The following ABCA12 variants were observed in gnomAD, a reference collection of about 807,000 sequenced individuals.
ABCA12 encodes ATP binding cassette subfamily A member 12.
Under a neutral mutation model 293.5 loss-of-function variants are expected in ABCA12, and 156 were observed. The ratio of observed to expected loss-of-function variants is 0.53; its 90% CI spans 0.47 to 0.61. The LOEUF is 0.61. Ranked by LOEUF, ABCA12 falls within the 20% of genes least tolerant of loss-of-function variation. The pLI is 0.00. For missense variants in ABCA12, 2,797 were observed against 3,090.2 expected (o/e 0.91, Z 2.25); for synonymous variants, 1,063 against 1,108.0 (o/e 0.96, Z 0.81).
intron 39 of ABCA12, among the ~76,000 whole-genome samples, chr2:214,963,819 C>G (rs1184554312): frequency 1.4e-5 from 2 of 146,440 alleles, no homozygotes; most frequent in Admixed American, 7.1e-5. Context: ...ACTTGGGAGG[C>G]TGGGGCAGGA....
intron 22 of ABCA12, chr2:214,999,949 C>A: frequency 2.8e-6 from 1 of 358,198 alleles, no homozygotes; most frequent in Non-Finnish European, 3.9e-6. Context: ...AACTGGGTTG[C>A]GTAGCATGTT....
intron 1 of ABCA12, among the ~76,000 whole-genome samples, chr2:215,124,343 G>T (rs1322861250): frequency 1.3e-5 from 2 of 152,146 alleles, no homozygotes; most frequent in Non-Finnish European, 2.9e-5. Context: ...GGGATTGCTG[G>T]ATCAAATTGT....
intron 7 of ABCA12, chr2:215,044,389 T>A (rs2106046922): frequency 6.6e-6 from 1 of 152,320 alleles, no homozygotes; most frequent in African/African-American, 2.4e-5. Context: ...GGGGTCTGAA[T>A]ATTATTGACT....
rs1218007350 is a variant in ABCA12 at position 214,949,149 on chromosome 2, A to G, written c.6853T>C (p.Cys2285Arg). ...NISIGIPAGE[C>R]FGLLGVNGAG... ...CCATTCACTCCAAGAAGCCCAAAAC[A>G]CTGGTTTGAGGGAGAAAAAGAAGAT... The change falls in exon 46 of 53, where the codon TGT (cysteine) becomes CGT (arginine). Residue 2285 changes from cysteine to arginine, a missense_variant and splice_region_variant. This residue lies in a region of ABCA12 where 2,130 missense variants were observed against 2,427.0 expected (regional missense o/e 0.88). Coordinates refer to ENST00000272895, the MANE Select transcript of ABCA12 (RefSeq NM_173076.3). 6.2e-7 allele frequency: 1 copy of G among 1,612,004 alleles called. No individual in the cohort carries two copies. Among genetic ancestry groups the G allele is most frequent in the Non-Finnish European group, 8.5e-7 (1 of 1,178,264 alleles).
chr2:215,110,239 G>C (rs192104335), intron 2 of ABCA12, among the ~76,000 whole-genome samples: 2 of 152,274 alleles, frequency 1.3e-5, no homozygotes, highest in Non-Finnish European at 2.9e-5. Context: ...GGCTGGGCGC[G>C]GTGGCTCACG....
At position 215,011,600 on chromosome 2, in the gene ABCA12, G is replaced by C. The variant is rs1559144924; in HGVS notation, c.2171C>G (p.Thr724Ser). ...RMNTPQGSFS[T>S]ISQALCSQGI... ...TTGAGAACATAATGCTTGGGAGATG[G>C]TGCTAAATGATCCTTGTGGTGTGTT... The change falls in exon 17 of 53, where the codon ACC (threonine) becomes AGC (serine). Residue 724 changes from threonine to serine, a missense_variant. Thr to Ser is a moderately conservative substitution (Grantham distance 58, BLOSUM62 1). Coordinates refer to ENST00000272895, the MANE Select transcript of ABCA12 (RefSeq NM_173076.3). 3.1e-6 allele frequency: 5 copies of C among 1,613,942 alleles called. No individual in the cohort carries two copies. The highest frequency in any genetic ancestry group is 4.2e-6 in the Non-Finnish European group (5 of 1,179,960).
Position 215,001,751 on chromosome 2 carries a change from G to A in ABCA12, c.2684-14C>T, listed in dbSNP as rs1289885403. On this transcript the variant is annotated splice_polypyrimidine_tract_variant and intron_variant, in intron 20 of 52. Transcript: ENST00000272895. ...GTCTTAGAATATCTAAAGAGGCAAAGCAAAAGAGACAAAAAAAAATTATGG... is the reference window on the plus strand; with the variant it reads ...GTCTTAGAATATCTAAAGAGGCAAAACAAAAGAGACAAAAAAAAATTATGG... 10 of 1,610,326 alleles carry A rather than the reference G, an allele frequency of 6.2e-6. No homozygotes were observed. Among genetic ancestry groups the A allele is most frequent in the Admixed American group, 1.7e-5 (1 of 59,792 alleles).
chr2:215,108,035 T>C (rs1702497669), intron 2 of ABCA12, among the ~76,000 whole-genome samples: 2 of 152,192 alleles, frequency 1.3e-5, no homozygotes, highest in African/African-American at 4.8e-5. Flanking sequence ...CACCTTGCTC[T>C]CCAGCACACC....
chr2:215,119,880 A>G (rs1240658010), intron 1 of ABCA12, among the ~76,000 whole-genome samples: 2 of 152,174 alleles, frequency 1.3e-5, no homozygotes, highest in African/African-American at 2.4e-5. Flanking sequence ...TCTCAAAAAA[A>G]CTTAAAACAA....
chr2:215,097,726 G>T (rs1346299049), intron 2 of ABCA12, among the ~76,000 whole-genome samples: 1 of 152,092 alleles, frequency 6.6e-6, no homozygotes, highest in Non-Finnish European at 1.5e-5. Flanking sequence ...TTATTGTTCT[G>T]GGAGTTTGGC....
intron 50 of ABCA12, among the ~76,000 whole-genome samples, chr2:214,941,259 T>G (rs970092620): frequency 1.3e-5 from 2 of 152,208 alleles, no homozygotes; most frequent in East Asian, 1.9e-4. Flanking sequence ...TCAGTTTCCA[T>G]GTAGTTGTGC....
At chr2:214,974,407 A>C (rs552190554) in intron 35 of ABCA12, among the ~76,000 whole-genome samples, 84 of 152,276 alleles carry the variant, frequency 5.5e-4, no homozygotes, top group Non-Finnish European at 1.1e-3. Context: ...ATACTATCTT[A>C]GATGTTCAAA....
intron 23 of ABCA12, among the ~76,000 whole-genome samples, chr2:214,992,181 G>A (rs181411106): frequency 0.012 from 1,776 of 151,972 alleles, 24 homozygotes; most frequent in South Asian, 0.03. Context: ...GGTGGCTCAC[G>A]CCTGTAATCC....
chr2:215,112,898 T>G (rs775397420), intron 1 of ABCA12, among the ~76,000 whole-genome samples: 3 of 152,184 alleles, frequency 2.0e-5, no homozygotes, highest in Non-Finnish European at 4.4e-5. Context: ...TGCTTAATAT[T>G]TTATAGACCT....
intron 1 of ABCA12, among the ~76,000 whole-genome samples, chr2:215,116,675 G>A (rs1702693151): frequency 6.6e-6 from 1 of 151,768 alleles, no homozygotes; most frequent in Non-Finnish European, 1.5e-5. Context: ...AATGAGGAAT[G>A]GAGTATGTAC....
chr2:214,976,654 A>G (rs899295190), intron 33 of ABCA12, among the ~76,000 whole-genome samples: 1 of 152,172 alleles, frequency 6.6e-6, no homozygotes, highest in Non-Finnish European at 1.5e-5. Flanking sequence ...GAAATTTGGA[A>G]TGATTATATG....
chr2:215,071,896 CATA>C (rs1370212509), intron 2 of ABCA12, among the ~76,000 whole-genome samples: 1 of 152,168 alleles, frequency 6.6e-6, no homozygotes, highest in African/African-American at 2.4e-5. Flanking sequence ...CCTAGTAATT[CATA>C]ATATGTACCT....
chr2:214,955,173 G>T, intron 43 of ABCA12, 29 bp downstream of exon 43: 1 of 1,611,824 alleles, frequency 6.2e-7, no homozygotes, highest in South Asian at 1.1e-5. Flanking sequence ...TGAAGCTTTT[G>T]ATAAATTCAC....
intron 2 of ABCA12, among the ~76,000 whole-genome samples, chr2:215,065,209 G>A (rs1427828788): frequency 6.8e-6 from 1 of 147,900 alleles, no homozygotes; most frequent in Admixed American, 6.9e-5. Context: ...CTTCCTTTGG[G>A]GGAATACACA....
Sources: allele counts gnomAD v4.1 joint callset (sites outside exome capture counted in the v4.1 genomes callset), GRCh38; gene constraint gnomAD v4.1.1; regional missense constraint gnomAD v4.1.1; transcripts MANE v1.5; gene names NCBI Gene and HGNC (gene_info 2026-07-23, HGNC 2026-07-21).